DNAAF9: variants seen among roughly 807,000 people sequenced by gnomAD.
DNAAF9 encodes the protein shulin.
Under a neutral mutation model 167.0 loss-of-function variants are expected in DNAAF9, and 90 were observed. The observed-to-expected ratio is 0.54, with a 90% confidence interval of 0.45 to 0.64. The LOEUF (loss-of-function observed/expected upper bound fraction) is 0.64. DNAAF9 is among the 30% of genes least tolerant of loss of function. The pLI is 0.00. For synonymous variants in DNAAF9, 491 were observed against 508.8 expected (o/e 0.96, Z 0.47); for missense variants, 1,315 against 1,442.2 (o/e 0.91, Z 1.43).
At chr20:3,351,840 T>G (rs2070331660) in intron 7 of DNAAF9, among the ~76,000 whole-genome samples, 1 of 141,254 alleles carries the variant, frequency 7.1e-6, no homozygotes, top group Non-Finnish European at 1.5e-5. Flanking sequence ...GTTATTTTAT[T>G]TATTTATTTA....
intron 7 of DNAAF9, among the ~76,000 whole-genome samples, chr20:3,357,476 AAAT>A (rs1442222283): frequency 1.3e-5 from 2 of 152,046 alleles, no homozygotes; most frequent in African/African-American, 4.8e-5. Context: ...TGTCTCAAAA[AAAT>A]AAATAAATAA....
At chr20:3,356,395 A>T (rs1238670581) in intron 7 of DNAAF9, among the ~76,000 whole-genome samples, 1 of 152,188 alleles carries the variant, frequency 6.6e-6, no homozygotes, top group African/African-American at 2.4e-5. Flanking sequence ...AGGTTTTAGG[A>T]GAATTACGAA....
At chr20:3,266,889 G>C (rs1483470252) in intron 30 of DNAAF9, among the ~76,000 whole-genome samples, 2 of 136,108 alleles carry the variant, frequency 1.5e-5, no homozygotes, top group African/African-American at 2.8e-5. Context: ...TTTCGCTCTT[G>C]TTGCCTAGGC....
At chr20:3,347,527 G>C (rs1181098657) in intron 8 of DNAAF9, among the ~76,000 whole-genome samples, 26 of 152,136 alleles carry the variant, frequency 1.7e-4, no homozygotes, top group Admixed American at 1.6e-3. Context: ...GCTGAGAAGC[G>C]ATACACTGGC....
At chr20:3,307,081 A>G in intron 20 of DNAAF9, 3 of 985,404 alleles carry the variant, frequency 3.0e-6, no homozygotes, top group South Asian at 4.7e-5. Flanking sequence ...AGCTTCCAGA[A>G]AAAAGCACAG....
chr20:3,293,545 C>T lies in DNAAF9; in HGVS notation c.2238+594G>A, dbSNP rs1600721579. Among the ~76,000 whole-genome samples the T allele has an allele frequency of 4.6e-5, 7 of 151,054 alleles. No individual in the cohort carries two copies. In the South Asian group the frequency reaches 6.3e-4, roughly 14 times the overall value. On this transcript the variant is annotated intron_variant, in intron 25 of 36. Coordinates refer to ENST00000252032, the MANE Select transcript of DNAAF9 (RefSeq NM_001009984.3). The stretch of plus-strand genomic sequence containing the variant: ...ACTAAAAATACAAAAATTAGCCAGG[C>T]GTGGTGGTGCATGCCTGTAATCCCA...
At chr20:3,317,721 C>A (rs550856288) in intron 17 of DNAAF9, among the ~76,000 whole-genome samples, 1 of 152,016 alleles carries the variant, frequency 6.6e-6, no homozygotes, top group Non-Finnish European at 1.5e-5. Flanking sequence ...CTCAGCTTCC[C>A]GAGTAATTGG....
At chr20:3,313,485 T>C (rs1270649113) in intron 20 of DNAAF9, among the ~76,000 whole-genome samples, 1 of 152,206 alleles carries the variant, frequency 6.6e-6, no homozygotes, top group African/African-American at 2.4e-5. Context: ...ATTTGCTTAG[T>C]AGAGGTTGAG....
At chr20:3,336,217 C>T (rs1230700703) in intron 10 of DNAAF9, among the ~76,000 whole-genome samples, 2 of 141,896 alleles carry the variant, frequency 1.4e-5, no homozygotes, top group African/African-American at 5.3e-5. Context: ...TTGAGGTTCA[C>T]TCAGCTTCTT....
At chr20:3,303,172 G>A (rs1181658135) in intron 21 of DNAAF9, among the ~76,000 whole-genome samples, 1 of 151,474 alleles carries the variant, frequency 6.6e-6, no homozygotes, top group African/African-American at 2.4e-5. Flanking sequence ...AACCAGGGAG[G>A]CAGAGCTTGC....
Position 3,330,696 on chromosome 20 carries a change from C to T in DNAAF9, c.1064-14G>A. ...TGCTGTCACCACCTGTGAAAGAGGC[C>T]CACTAAGAATGTGACAAGAGCACAG... On this transcript the variant is annotated splice_polypyrimidine_tract_variant and intron_variant, in intron 11 of 36. Coordinates refer to ENST00000252032, the MANE Select transcript of DNAAF9 (RefSeq NM_001009984.3). The T allele has an allele frequency of 1.3e-6, 2 of 1,565,550 alleles. No homozygotes were observed. The highest frequency in any genetic ancestry group is 2.3e-5 in the East Asian group (1 of 44,402).
Position 3,292,849 on chromosome 20 carries a change from C to T in DNAAF9, c.2238+1290G>A, listed in dbSNP as rs539393588. On this transcript the variant is annotated intron_variant, in intron 25 of 36. Transcript: ENST00000252032. ...TGGGAGGCTGAGGCAGGTGGATAACCTGAGGTCAGGAGTGTGAACCAGGTC... is the reference window on the plus strand; with the variant it reads ...TGGGAGGCTGAGGCAGGTGGATAACTTGAGGTCAGGAGTGTGAACCAGGTC... 3.3e-5 allele frequency among the ~76,000 whole-genome samples: 5 copies of T among 151,758 alleles called. No individual in the cohort carries two copies. In the South Asian group the frequency reaches 1.0e-3, roughly 32 times the overall value.
At chr20:3,371,090 C>T (rs937110776) in intron 6 of DNAAF9, among the ~76,000 whole-genome samples, 3 of 152,030 alleles carry the variant, frequency 2.0e-5, no homozygotes, top group African/African-American at 4.8e-5. Flanking sequence ...CCTCTGTATT[C>T]TGGAAAAGCT....
intron 6 of DNAAF9, among the ~76,000 whole-genome samples, chr20:3,363,116 C>CT (rs2083383930): frequency 6.6e-6 from 1 of 151,902 alleles, no homozygotes. Context: ...GTAATCCCAG[C>CT]TACTCGGGAG....
intron 7 of DNAAF9, among the ~76,000 whole-genome samples, chr20:3,357,471 C>CAAAAAAAAAAAA (rs2083302398): frequency 6.6e-6 from 1 of 151,396 alleles, no homozygotes; most frequent in Admixed American, 6.6e-5. Context: ...GACTCTGTCT[C>CAAAAAAAAAAAA]AAAAAAATAA....
chr20:3,359,759 T>C (rs202101952), intron 6 of DNAAF9, among the ~76,000 whole-genome samples, 166 bp from the exon 7 acceptor site: 6 of 152,218 alleles, frequency 3.9e-5, no homozygotes, highest in Non-Finnish European at 7.3e-5. Flanking sequence ...TTAATAAATG[T>C]TTTACCATAC....
intron 1 of DNAAF9, among the ~76,000 whole-genome samples, chr20:3,389,288 G>T (rs1337183283): frequency 6.6e-6 from 1 of 151,782 alleles, no homozygotes; most frequent in Non-Finnish European, 1.5e-5. Context: ...TGGGGCTACA[G>T]GTGCATACCA....
At chr20:3,393,688 A>T (rs1045928873) in intron 1 of DNAAF9, among the ~76,000 whole-genome samples, 1 of 152,218 alleles carries the variant, frequency 6.6e-6, no homozygotes, top group Non-Finnish European at 1.5e-5. Flanking sequence ...CACAAACACA[A>T]AAGTTTCTAC....
intron 31 of DNAAF9, among the ~76,000 whole-genome samples, chr20:3,263,950 G>A (rs1286250404): frequency 6.6e-6 from 1 of 152,184 alleles, no homozygotes; most frequent in African/African-American, 2.4e-5. Context: ...CAGTAACTTT[G>A]CAGCACACTC....
Sources: gnomAD v4.1 joint callset for allele counts (sites outside exome capture counted in the v4.1 genomes callset) on GRCh38, gnomAD v4.1.1 for gene constraint, MANE v1.5 for transcripts, NCBI Gene and HGNC (gene_info 2026-07-23, HGNC 2026-07-21) for gene names.